The following CELF2 variants were observed in gnomAD, a reference collection of about 807,000 sequenced individuals.
CELF2 encodes CUG triplet repeat RNA-binding protein 2.
In CELF2, 8 loss-of-function variants were observed where a neutral mutation model predicts 62.6. That is an observed-to-expected ratio of 0.13 (90% CI 0.07 to 0.23). The LOEUF (loss-of-function observed/expected upper bound fraction) is 0.23. Ranked by LOEUF, CELF2 falls within the 10% of genes least tolerant of loss-of-function variation. The pLI is 1.00. For missense variants in CELF2, 333 were observed against 671.0 expected (o/e 0.50, Z 5.56); for synonymous variants, 258 against 250.0 (o/e 1.03, Z -0.30).
chr10:11,148,573 G>C (rs370183686), intron 1 of CELF2, among the ~76,000 whole-genome samples: 3 of 152,180 alleles, frequency 2.0e-5, no homozygotes, highest in African/African-American at 7.2e-5. Context: ...CACCTTTTCT[G>C]TCTTGGGTCA....
the CELF2 span, among the ~76,000 whole-genome samples, chr10:10,591,830 A>G: frequency 3.3e-5 from 5 of 152,204 alleles, no homozygotes; most frequent in Admixed American, 1.3e-4. Context: ...TAGAACCCAA[A>G]GTCTCTCCTG....
chr10:10,696,058 G>A, the CELF2 span, among the ~76,000 whole-genome samples: 22 of 151,970 alleles, frequency 1.4e-4, no homozygotes, highest in Admixed American at 7.2e-4. Flanking sequence ...GAGGAACTGC[G>A]TTCCTTTGGA....
chr10:11,316,898 G>C lies in CELF2; in HGVS notation c.1096+2640G>C, dbSNP rs2095041853. On this transcript the variant is annotated intron_variant, in intron 10 of 12. Transcript: ENST00000633077. This position sits in a 1 kb window ranked among gnomAD's most constrained non-coding sequence, Gnocchi z 4.4. The stretch of plus-strand genomic sequence containing the variant: ...AGTCAAAGGGCTAAAAAACAGTACA[G>C]CGCCCTAAAAATGTAAGAATCATCC... The C allele has an allele frequency of 2.6e-5, 4 of 152,284 alleles. No homozygotes were observed. In the South Asian group the frequency reaches 8.3e-4, roughly 32 times the overall value. 9.4% of individuals were successfully genotyped at this position (152,284 alleles called of 1,614,324 possible).
chr10:10,545,820 T>C, the CELF2 span, among the ~76,000 whole-genome samples: 1 of 152,170 alleles, frequency 6.6e-6, no homozygotes, highest in African/African-American at 2.4e-5. Flanking sequence ...TCAGAAATAT[T>C]TTGCAGTGAA....
chr10:10,686,326 GT>G, the CELF2 span, among the ~76,000 whole-genome samples: 1 of 26,636 alleles, frequency 3.8e-5, no homozygotes, highest in African/African-American at 1.5e-4. Flanking sequence ...GGGGGGTGGG[GT>G]GGGTTTTTGT....
At chr10:10,973,341 T>G (rs972110400) in intron 2 of CELF2, among the ~76,000 whole-genome samples, 2 of 152,012 alleles carry the variant, frequency 1.3e-5, no homozygotes, top group Non-Finnish European at 1.5e-5. Flanking sequence ...TTAGGGGATA[T>G]GACTCCTGGG....
the CELF2 span, among the ~76,000 whole-genome samples, chr10:10,638,920 T>C: frequency 1.3e-5 from 2 of 152,196 alleles, no homozygotes; most frequent in Admixed American, 6.5e-5. Flanking sequence ...CAAAAGTCAA[T>C]GAATCAGAGC....
At chr10:10,612,126 A>G in the CELF2 span, among the ~76,000 whole-genome samples, 1 of 152,214 alleles carries the variant, frequency 6.6e-6, no homozygotes, top group Non-Finnish European at 1.5e-5. Context: ...TAGAAGTATG[A>G]CAGTGGCTTT....
At position 11,267,192 on chromosome 10, in the gene CELF2, T is replaced by C. The variant is rs957682558; in HGVS notation, c.618+515T>C. Reference sequence around the variant, plus strand: ...TGGAGAAAGTTAATATTTCTCCCACTGCATTTAACATTGAAAGTGCAAATT... The same window carrying C: ...TGGAGAAAGTTAATATTTCTCCCACCGCATTTAACATTGAAAGTGCAAATT... On this transcript the variant is annotated intron_variant, in intron 6 of 12. Transcript: ENST00000633077. The surrounding 1 kb of genome is among the most constrained non-coding windows in gnomAD (Gnocchi z 4.4). Among the ~76,000 whole-genome samples the C allele has an allele frequency of 2.0e-5, 3 of 152,248 alleles. No homozygotes were observed. Among genetic ancestry groups the C allele is most frequent in the Non-Finnish European group, 4.4e-5 (3 of 68,032 alleles).
At chr10:11,231,483 G>C (rs544553259) in intron 3 of CELF2, among the ~76,000 whole-genome samples, 4 of 152,262 alleles carry the variant, frequency 2.6e-5, no homozygotes, top group African/African-American at 9.6e-5. Context: ...AGACAAGCTA[G>C]GGTATCATAT....
upstream of CELF2, among the ~76,000 whole-genome samples, chr10:11,015,158 G>A (rs1364109067): frequency 6.6e-6 from 1 of 152,120 alleles, no homozygotes; most frequent in African/African-American, 2.4e-5. The surrounding 1 kb of genome is among the most constrained non-coding windows in gnomAD (Gnocchi z 4.8). Context: ...CTGATGGCTC[G>A]TTACTGCATG....
the CELF2 span, among the ~76,000 whole-genome samples, chr10:10,769,018 A>G: frequency 6.6e-6 from 1 of 152,200 alleles, no homozygotes. Flanking sequence ...TAAAATAAGC[A>G]AAGAGAGTTT....
At chr10:10,939,539 G>T (rs571817683) in intron 2 of CELF2, among the ~76,000 whole-genome samples, 1 of 152,108 alleles carries the variant, frequency 6.6e-6, no homozygotes, top group South Asian at 2.1e-4. Flanking sequence ...ACTCACCTTG[G>T]CCTCCCAAAG....
rs150054618 is a variant in CELF2, at chr10:10,990,968, C to CGT, written c.89+70989_89+70990dup. ...ACAGCATCTTTTTGAGGTTCTTTTG[C>CGT]GTGTGTGTGTGTGTGTGTGTGCCCA... On this transcript the variant is annotated intron_variant, in intron 2 of 13. Coordinates refer to the CELF2 transcript ENST00000636488. The surrounding 1 kb of genome is among the most constrained non-coding windows in gnomAD (Gnocchi z 4.6). Among the ~76,000 whole-genome samples the CGT allele has an allele frequency of 0.071, 10,539 of 148,532 alleles. 411 individuals carry two copies. The highest frequency in any genetic ancestry group is 0.17 in the Middle Eastern group (48 of 290).
At chr10:10,528,766 T>C in the CELF2 span, among the ~76,000 whole-genome samples, 2 of 152,360 alleles carry the variant, frequency 1.3e-5, no homozygotes, top group East Asian at 3.9e-4. Context: ...AATTCACTCA[T>C]GACTCATTGT....
chr10:11,158,440 T>C (rs1167585557), intron 1 of CELF2, among the ~76,000 whole-genome samples: 1 of 152,102 alleles, frequency 6.6e-6, no homozygotes, highest in African/African-American at 2.4e-5. Flanking sequence ...CTAGAACACC[T>C]ACCTCTCCCT....
At chr10:11,263,224 G>C (rs999417556) in intron 5 of CELF2, among the ~76,000 whole-genome samples, 1 of 151,942 alleles carries the variant, frequency 6.6e-6, no homozygotes, top group Non-Finnish European at 1.5e-5. Flanking sequence ...GAGGAATGCA[G>C]CTCCTTTCAT....
intron 11 of CELF2, among the ~76,000 whole-genome samples, chr10:11,323,230 A>C (rs186089746): frequency 7.2e-5 from 11 of 152,024 alleles, no homozygotes; most frequent in Non-Finnish European, 5.9e-5. Context: ...CTGATTTAAG[A>C]GTGCGGGTTT....
intron 1 of CELF2, among the ~76,000 whole-genome samples, chr10:10,907,931 T>C (rs1270306349): frequency 2.0e-5 from 3 of 152,212 alleles, no homozygotes; most frequent in African/African-American, 7.2e-5. Context: ...TAAAATAGCA[T>C]GAGCTACCCT....
Sources: gnomAD v4.1 joint callset for allele counts (sites outside exome capture counted in the v4.1 genomes callset) on GRCh38, gnomAD v4.1.1 for gene constraint, Gnocchi (gnomAD v3.1) non-coding constraint, MANE v1.5 for transcripts, NCBI Gene and HGNC (gene_info 2026-07-23, HGNC 2026-07-21) for gene names.